STXBP6: variants seen among roughly 807,000 people sequenced by gnomAD.
STXBP6 encodes syntaxin-binding protein 6.
A neutral mutation model predicts 26.9 loss-of-function variants in STXBP6; 21 were observed. The observed-to-expected ratio is 0.78, with a 90% CI of 0.55 to 1.12. The LOEUF is 1.12. STXBP6 is among the 50% of genes most tolerant of loss of function. STXBP6 has a pLI of 0.00. For missense variants in STXBP6, 232 were observed against 257.9 expected, an observed-to-expected ratio of 0.90 and a Z score of 0.69; for synonymous variants, 97 against 92.6, an observed-to-expected ratio of 1.05 and a Z score of -0.27.
intron 1 of STXBP6, among the ~76,000 whole-genome samples, chr14:25,032,691 G>C (rs191303934): frequency 6.6e-6 from 1 of 152,144 alleles, no homozygotes; most frequent in South Asian, 2.1e-4. Flanking sequence ...AGAGTCCCTC[G>C]ATCAATGTAA....
chr14:24,867,934 T>TGAA (rs1325313694), intron 2 of STXBP6, among the ~76,000 whole-genome samples: 4 of 152,190 alleles, frequency 2.6e-5, no homozygotes, highest in Non-Finnish European at 5.9e-5. Context: ...TAGTTGTTCA[T>TGAA]GTCTATAATC....
intron 2 of STXBP6, among the ~76,000 whole-genome samples, chr14:24,870,134 C>T (rs1316428973): frequency 6.6e-6 from 1 of 152,050 alleles, no homozygotes; most frequent in Non-Finnish European, 1.5e-5. Flanking sequence ...AATTTTCAAA[C>T]CCTTTGCATA....
chr14:24,830,951 T>C (rs1484904492), intron 4 of STXBP6, among the ~76,000 whole-genome samples: 5 of 152,106 alleles, frequency 3.3e-5, no homozygotes, highest in African/African-American at 1.2e-4. Flanking sequence ...TAAGACAATT[T>C]AATGGAAAAA....
At chr14:24,948,939 T>A (rs2073078895) in intron 2 of STXBP6, among the ~76,000 whole-genome samples, 1 of 152,124 alleles carries the variant, frequency 6.6e-6, no homozygotes, top group African/African-American at 2.4e-5. Flanking sequence ...CTAGGAGGCA[T>A]CCTAAAATCG....
At chr14:24,942,917 G>T (rs988474007) in intron 2 of STXBP6, among the ~76,000 whole-genome samples, 9 of 152,004 alleles carry the variant, frequency 5.9e-5, no homozygotes, top group Non-Finnish European at 8.8e-5. Flanking sequence ...AAACAAAAGG[G>T]GTCACAGAAA....
At chr14:24,975,996 G>A (rs1434364551) in intron 1 of STXBP6, among the ~76,000 whole-genome samples, 1 of 152,182 alleles carries the variant, frequency 6.6e-6, no homozygotes, top group Non-Finnish European at 1.5e-5. Flanking sequence ...CCCGCATATG[G>A]ATCAACAGCA....
At chr14:24,873,425 C>T (rs2070014752) in intron 2 of STXBP6, among the ~76,000 whole-genome samples, 1 of 152,126 alleles carries the variant, frequency 6.6e-6, no homozygotes, top group South Asian at 2.1e-4. Context: ...GAAACTGAAT[C>T]CCTCAGGGGA....
intron 4 of STXBP6, among the ~76,000 whole-genome samples, chr14:24,855,302 T>C (rs2139166228): frequency 6.6e-6 from 1 of 152,078 alleles, no homozygotes; most frequent in Middle Eastern, 3.4e-3. Context: ...ACTCACAGAG[T>C]TGTCAAGGCT....
At chr14:24,869,548 T>C (rs1045498686) in intron 2 of STXBP6, among the ~76,000 whole-genome samples, 7 of 152,184 alleles carry the variant, frequency 4.6e-5, no homozygotes, top group African/African-American at 1.7e-4. Flanking sequence ...CACCCGACTC[T>C]CTGGTGCTGA....
At chr14:25,033,003 C>A (rs1054044857) in intron 1 of STXBP6, among the ~76,000 whole-genome samples, 4 of 152,202 alleles carry the variant, frequency 2.6e-5, no homozygotes, top group African/African-American at 9.7e-5. Flanking sequence ...TCCCACCAAG[C>A]ACACACACCA....
intron 2 of STXBP6, among the ~76,000 whole-genome samples, chr14:24,966,810 T>C (rs952797265): frequency 1.3e-5 from 2 of 152,204 alleles, no homozygotes; most frequent in African/African-American, 4.8e-5. Context: ...ATTTGCTCTC[T>C]AAGAGTCAAA....
chr14:24,875,676 T>G (rs2070112628), intron 2 of STXBP6, among the ~76,000 whole-genome samples: 1 of 152,240 alleles, frequency 6.6e-6, no homozygotes, highest in Non-Finnish European at 1.5e-5. Context: ...TCTATTTCAC[T>G]TAAGAGGAAT....
intron 2 of STXBP6, among the ~76,000 whole-genome samples, chr14:24,958,212 T>C (rs148523847): frequency 6.8e-4 from 103 of 152,322 alleles, no homozygotes; most frequent in African/African-American, 2.4e-3. Flanking sequence ...CTTTTTAATA[T>C]TGCCCATACC....
rs547009856 is a variant in STXBP6 at position 24,906,332 on chromosome 14, G to C, written c.155-49175C>G. Among the ~76,000 whole-genome samples the C allele has an allele frequency of 1.3e-3, 196 of 152,216 alleles. 1 individual carries two copies. Among genetic ancestry groups the C allele is most frequent in the Admixed American group, 1.5e-3 (23 of 15,286 alleles). On this transcript the variant is annotated intron_variant, in intron 2 of 5. Transcript: ENST00000323944. Reference sequence around the variant, plus strand: ...TGCAAAAAAATTTAAAACTCAGATAGGTGTATGGCATGCATTTTACTTAAG... The same window carrying C: ...TGCAAAAAAATTTAAAACTCAGATACGTGTATGGCATGCATTTTACTTAAG...
At chr14:24,927,464 G>A (rs1329924403) in intron 2 of STXBP6, among the ~76,000 whole-genome samples, 1 of 152,202 alleles carries the variant, frequency 6.6e-6, no homozygotes, top group Non-Finnish European at 1.5e-5. Context: ...GCCAAAGGCA[G>A]AACATATTTG....
chr14:24,996,768 T>A (rs1392859478), intron 1 of STXBP6, among the ~76,000 whole-genome samples: 1 of 147,240 alleles, frequency 6.8e-6, no homozygotes, highest in Admixed American at 7.0e-5. Flanking sequence ...GGCAGGAGAA[T>A]CGCTTGAACC....
chr14:24,964,653 G>A (rs1595204550), intron 2 of STXBP6, among the ~76,000 whole-genome samples: 2 of 150,460 alleles, frequency 1.3e-5, no homozygotes, highest in East Asian at 3.9e-4. Flanking sequence ...CATTCTGTGT[G>A]TGTGTGTGTG....
At chr14:25,027,961 T>C (rs2075378285) in intron 1 of STXBP6, among the ~76,000 whole-genome samples, 1 of 152,194 alleles carries the variant, frequency 6.6e-6, no homozygotes, top group South Asian at 2.1e-4. Flanking sequence ...CTCTCTTCAA[T>C]TCTACGAAGG....
chr14:24,953,073 T>C (rs2073225076), intron 2 of STXBP6, among the ~76,000 whole-genome samples: 1 of 152,182 alleles, frequency 6.6e-6, no homozygotes, highest in Non-Finnish European at 1.5e-5. Context: ...ACACTCCATC[T>C]GGAGGCACTA....
Sources: allele counts gnomAD v4.1 joint callset (sites outside exome capture counted in the v4.1 genomes callset), GRCh38; gene constraint gnomAD v4.1.1; transcripts MANE v1.5; gene names NCBI Gene and HGNC (gene_info 2026-07-23, HGNC 2026-07-21).